DNAJC11: variants seen among roughly 807,000 people sequenced by gnomAD.
The protein encoded by DNAJC11 is DnaJ heat shock protein family (Hsp40) member C11.
Under a neutral mutation model 78.6 loss-of-function variants are expected in DNAJC11, and 15 were observed. That is an observed-to-expected ratio of 0.19 (90% CI 0.13 to 0.29). The LOEUF is 0.29. Ranked by LOEUF, DNAJC11 falls within the 10% of genes least tolerant of loss-of-function variation. The pLI is 1.00. For synonymous variants in DNAJC11, 292 were observed against 272.1 expected (o/e 1.07, Z -0.72); for missense variants, 547 against 709.6 (o/e 0.77, Z 2.60).
chr1:6,675,059 A>G (rs991638798), intron 3 of DNAJC11, among the ~76,000 whole-genome samples: 7 of 152,248 alleles, frequency 4.6e-5, no homozygotes, highest in Non-Finnish European at 1.0e-4. Context: ...GAGAATCCTC[A>G]TATGGAACAA....
Position 6,635,025 on chromosome 1 carries a change from C to A in DNAJC11, c.*650G>T. 1 of 415,156 alleles carries A rather than the reference C, an allele frequency of 2.4e-6. No individual in the cohort carries two copies. The highest frequency in any genetic ancestry group is 3.9e-6 in the Non-Finnish European group (1 of 256,274). 25.7% of individuals were successfully genotyped at this position (415,156 alleles called of 1,614,324 possible). A position where few individuals can be genotyped will look rare whatever the true frequency, so the allele number is the denominator to read the frequency against. On this transcript the variant is annotated 3_prime_UTR_variant, in exon 16 of 16. Coordinates refer to ENST00000377577, the MANE Select transcript of DNAJC11 (RefSeq NM_018198.4). The stretch of plus-strand genomic sequence containing the variant: ...GGCTAGGCCCTGGGATCGGGAGTTA[C>A]ACTACCCTGTCCCAAGCCGAGGGGG...
At position 6,634,986 on chromosome 1, in the gene DNAJC11, G is replaced by A. The variant is rs942707733; in HGVS notation, c.*689C>T. The A allele has an allele frequency of 4.1e-6, 3 of 729,046 alleles. No homozygotes were observed. Among genetic ancestry groups the A allele is most frequent in the Admixed American group, 3.8e-5 (1 of 26,212 alleles). 45.2% of individuals were successfully genotyped at this position (729,046 alleles called of 1,614,324 possible). A position where few individuals can be genotyped will look rare whatever the true frequency, so the allele number is the denominator to read the frequency against. On this transcript the variant is annotated 3_prime_UTR_variant, in exon 16 of 16. Coordinates refer to ENST00000377577, the MANE Select transcript of DNAJC11 (RefSeq NM_018198.4). ...GCGTTTTCCCACCGGGATACGGGAA[G>A]CCACCTGTGTCAGGGCTAGGCCCTG... is the stretch of plus-strand genomic sequence containing the variant.
intron 10 of DNAJC11, among the ~76,000 whole-genome samples, chr1:6,643,237 C>T (rs1371818437): frequency 1.3e-5 from 2 of 151,116 alleles, no homozygotes. Flanking sequence ...GACTGGAGCA[C>T]GTTTAGAAAG....
At chr1:6,662,129 T>TG (rs1267292703) in intron 4 of DNAJC11, among the ~76,000 whole-genome samples, 22 of 66,116 alleles carry the variant, frequency 3.3e-4, no homozygotes, top group Admixed American at 1.4e-3. Context: ...TTGTTTTTTG[T>TG]TTTTTGTTTT....
intron 1 of DNAJC11, among the ~76,000 whole-genome samples, chr1:6,686,978 T>G (rs1437989375): frequency 2.0e-5 from 3 of 152,218 alleles, no homozygotes; most frequent in Non-Finnish European, 2.9e-5. Flanking sequence ...TTACCACAAT[T>G]GAAGATTCAT....
chr1:6,666,087 T>C (rs1359765874), intron 4 of DNAJC11, among the ~76,000 whole-genome samples: 1 of 152,250 alleles, frequency 6.6e-6, no homozygotes, highest in African/African-American at 2.4e-5. Context: ...GGAGAGTGAG[T>C]AGATGGGAGC....
At chr1:6,647,391 G>A (rs1237253449) in intron 7 of DNAJC11, among the ~76,000 whole-genome samples, 3 of 151,988 alleles carry the variant, frequency 2.0e-5, no homozygotes, top group Non-Finnish European at 4.4e-5. Context: ...CCAACAGGTC[G>A]ATATTTTTGA....
At chr1:6,644,509 G>A (rs370903195) in intron 10 of DNAJC11, 49 bp downstream of exon 10, 3 of 1,308,704 alleles carry the variant, frequency 2.3e-6, no homozygotes, top group Non-Finnish European at 2.2e-6. Context: ...GCCTGGTTGA[G>A]TGAAGGTGAC....
At chr1:6,700,767 T>G (rs1642912079) in intron 1 of DNAJC11, among the ~76,000 whole-genome samples, 1 of 152,228 alleles carries the variant, frequency 6.6e-6, no homozygotes, top group Non-Finnish European at 1.5e-5. Flanking sequence ...GAACCCGCTT[T>G]GGTTAGCATA....
chr1:6,678,034 G>A (rs780656433), intron 3 of DNAJC11, among the ~76,000 whole-genome samples: 1 of 152,186 alleles, frequency 6.6e-6, no homozygotes, highest in Non-Finnish European at 1.5e-5. Context: ...GGAAGGGAGT[G>A]TATATGGAGA....
chr1:6,699,535 G>C (rs1008824876), intron 1 of DNAJC11, among the ~76,000 whole-genome samples: 1 of 152,166 alleles, frequency 6.6e-6, no homozygotes, highest in African/African-American at 2.4e-5. Flanking sequence ...TTTCAGAAAG[G>C]CTGGCTTCAT....
rs538969488 is a variant in DNAJC11 at position 6,644,336 on chromosome 1, G to A, written c.1097+222C>T. ...TTCAGTAGAGATGGGGTTTCACCAC[G>A]TTGGCCAGGCTGGTCTCAAACTCCT... On this transcript the variant is annotated intron_variant, in intron 10 of 15. Transcript: ENST00000377577. Among the ~76,000 whole-genome samples, 533 of 152,314 alleles carry A rather than the reference G, an allele frequency of 3.5e-3. 2 individuals are homozygous for A. The highest frequency in any genetic ancestry group is 6.8e-3 in the Middle Eastern group (2 of 294).
intron 4 of DNAJC11, among the ~76,000 whole-genome samples, chr1:6,665,920 G>T (rs1261801405): frequency 6.6e-6 from 1 of 152,144 alleles, no homozygotes; most frequent in Non-Finnish European, 1.5e-5. Flanking sequence ...CCGGGCACCT[G>T]GCTGGGAGAT....
At chr1:6,639,381 G>A (rs1304401512) in intron 11 of DNAJC11, among the ~76,000 whole-genome samples, 4 of 150,284 alleles carry the variant, frequency 2.7e-5, no homozygotes, top group Non-Finnish European at 4.4e-5. Context: ...CCAGGCTGGA[G>A]TGCAATGGCG....
chr1:6,640,026 G>A lies in DNAJC11; in HGVS notation c.1129C>T (p.Pro377Ser), dbSNP rs1212141310. 6.2e-7 allele frequency: 1 copy of A among 1,608,884 alleles called. No individual in the cohort carries two copies. Among genetic ancestry groups the A allele is most frequent in the Admixed American group, 1.7e-5 (1 of 59,524 alleles). Residue 377 changes from proline (P) to serine (S), a missense_variant, in exon 11 of 16, where the codon CCT (proline) becomes TCT (serine). By Grantham distance (74) the Pro-to-Ser change is moderately conservative (BLOSUM62 -1). Transcript: ENST00000377577. ...LNRASQTYFFPIHLTDQLLPS... is the reference protein window; with the variant it reads ...LNRASQTYFFSIHLTDQLLPS... ...AGAAGCTGGTCCGTCAAGTGAATAG[G>A]GAAGAAGTATGTCTGACTGGCCCTG...
Position 6,654,781 on chromosome 1 carries a change from CTTT to C in DNAJC11, c.379-745_379-743del, listed in dbSNP as rs3062933. On this transcript the variant is annotated intron_variant, in intron 4 of 15. Transcript: ENST00000377577. ...AAACAATGTTTTTTTGCTAGCTTTT[CTTT>C]TTTTTTTTTTTTTGAGATGGAGTCT... Among the ~76,000 whole-genome samples the C allele has an allele frequency of 1.0e-3, 146 of 141,796 alleles. 1 individual carries two copies. Among genetic ancestry groups the C allele is most frequent in the African/African-American group, 2.8e-3 (110 of 38,694 alleles). 93.0% of individuals were successfully genotyped at this position (141,796 alleles called of 152,430 possible). A position where few individuals can be genotyped will look rare whatever the true frequency, so the allele number is the denominator to read the frequency against.
intron 1 of DNAJC11, among the ~76,000 whole-genome samples, chr1:6,684,417 T>C (rs1274124248): frequency 6.6e-6 from 1 of 152,232 alleles, no homozygotes; most frequent in Non-Finnish European, 1.5e-5. Flanking sequence ...TTAATTGTCC[T>C]TTTTTGTGTC....
At position 6,650,066 on chromosome 1, in the gene DNAJC11, C is replaced by T. The variant is rs146724537; in HGVS notation, c.704+1463G>A. Among the ~76,000 whole-genome samples, 1,307 of 141,250 alleles carry T rather than the reference C, an allele frequency of 9.3e-3. 18 individuals carry two copies. Among genetic ancestry groups the T allele is most frequent in the African/African-American group, 0.032 (1,218 of 38,068 alleles). 92.7% of individuals were successfully genotyped at this position (141,250 alleles called of 152,430 possible). ...TGGGAGGCCAAGGTGGGAGGATCAC[C>T]TGAGGTCAGGAGTTAAGAGACCAGC... On this transcript the variant is annotated intron_variant, in intron 7 of 15. Coordinates refer to ENST00000377577, the MANE Select transcript of DNAJC11 (RefSeq NM_018198.4).
rs771151425 is a variant in DNAJC11, at chr1:6,645,018, A to C, written c.980+23T>G. On this transcript the variant is annotated intron_variant, in intron 9 of 15. Transcript: ENST00000377577. The surrounding 1 kb of genome is among the most constrained non-coding windows in gnomAD (Gnocchi z 4.1). ...CCGCATGCAGTACCAGTGTGCTTCCATTTTAGCCAGGCCAGGACTTACTTG... is the reference window on the plus strand; with the variant it reads ...CCGCATGCAGTACCAGTGTGCTTCCCTTTTAGCCAGGCCAGGACTTACTTG... The C allele has an allele frequency of 6.2e-7, 1 of 1,610,936 alleles. No individual in the cohort carries two copies. Among genetic ancestry groups the C allele is most frequent in the East Asian group, 2.2e-5 (1 of 44,850 alleles).
Sources: gnomAD v4.1 joint callset for allele counts (sites outside exome capture counted in the v4.1 genomes callset) on GRCh38, gnomAD v4.1.1 for gene constraint, Gnocchi (gnomAD v3.1) non-coding constraint, MANE v1.5 for transcripts, NCBI Gene and HGNC (gene_info 2026-07-23, HGNC 2026-07-21) for gene names.